The following KAT2B variants were observed in gnomAD, a reference collection of about 807,000 sequenced individuals.
The protein encoded by KAT2B is lysine acetyltransferase 2B, also known as histone acetyltransferase KAT2B.
A neutral mutation model predicts 105.9 loss-of-function variants in KAT2B; 36 were observed. The ratio of observed to expected loss-of-function variants is 0.34; its 90% CI spans 0.26 to 0.45. KAT2B has a LOEUF of 0.45. Ranked by LOEUF, KAT2B falls within the 20% of genes least tolerant of loss-of-function variation. The probability of loss-of-function intolerance (pLI) is 1.00; values close to 1 mark genes in which losing one functional copy is unlikely to be tolerated. For synonymous variants in KAT2B, 397 were observed against 377.9 expected, an observed-to-expected ratio of 1.05 and a Z score of -0.59; for missense variants, 820 against 1,021.6, an observed-to-expected ratio of 0.80 and a Z score of 2.69.
intron 2 of KAT2B, among the ~76,000 whole-genome samples, chr3:20,086,988 G>A (rs1049743203): frequency 6.6e-6 from 1 of 152,054 alleles, no homozygotes; most frequent in Non-Finnish European, 1.5e-5. Context: ...CACCATGTTG[G>A]CCAGGCTGCT....
chr3:20,071,593 C>T (rs538493268), intron 1 of KAT2B, among the ~76,000 whole-genome samples: 2 of 152,286 alleles, frequency 1.3e-5, no homozygotes, highest in East Asian at 3.9e-4. Flanking sequence ...GGTCAGATCA[C>T]TTAAAGAAGG....
intron 12 of KAT2B, among the ~76,000 whole-genome samples, chr3:20,138,652 A>C (rs559384199): frequency 3.9e-5 from 6 of 152,054 alleles, no homozygotes; most frequent in Middle Eastern, 3.4e-3. Context: ...AGTTTGATTT[A>C]TTTTTCCATG....
intron 2 of KAT2B, among the ~76,000 whole-genome samples, chr3:20,074,151 T>C (rs1698377550): frequency 6.6e-6 from 1 of 152,200 alleles, no homozygotes; most frequent in Non-Finnish European, 1.5e-5. Context: ...TTAATCTGTG[T>C]GTAAATTAAG....
chr3:20,115,765 A>G (rs1699196320), intron 7 of KAT2B, among the ~76,000 whole-genome samples: 2 of 152,162 alleles, frequency 1.3e-5, no homozygotes, highest in African/African-American at 2.4e-5. Flanking sequence ...GTACTTCTCT[A>G]TAGTGCATTC....
rs1354731019 is a variant in KAT2B, at chr3:20,040,552, G to A, written c.75G>A (p.Leu25=). The A allele has an allele frequency of 1.7e-5, 18 of 1,035,230 alleles. No individual in the cohort carries two copies. Among genetic ancestry groups the A allele is most frequent in the South Asian group, 4.4e-5 (1 of 22,708 alleles). The allele number at this position is 1,035,230 out of a possible 1,614,324, so 64.1% of individuals were successfully genotyped here. The change falls in exon 1 of 18, where the codon CTG becomes CTA. Residue 25 remains leucine, a synonymous_variant. Coordinates refer to ENST00000263754, the MANE Select transcript of KAT2B (RefSeq NM_003884.5). ...GAGAGAGPGA[L]PPQPAALPPA... is the part of the protein sequence containing the mutation. ...GGGCAGGGGCCGGGCCCGGGGCGCTGCCCCCGCAGCCTGCGGCGCTTCCGC... is the reference window on the plus strand; with the variant it reads ...GGGCAGGGGCCGGGCCCGGGGCGCTACCCCCGCAGCCTGCGGCGCTTCCGC...
chr3:20,059,436 G>C (rs1265694093), intron 1 of KAT2B, among the ~76,000 whole-genome samples: 3 of 112,230 alleles, frequency 2.7e-5, no homozygotes, highest in African/African-American at 7.1e-5. Flanking sequence ...AAAAAAAAAA[G>C]GCCAGGCGTG....
chr3:20,151,998 T>G (rs1699876822), intron 17 of KAT2B, among the ~76,000 whole-genome samples: 1 of 152,182 alleles, frequency 6.6e-6, no homozygotes, highest in Middle Eastern at 3.2e-3. Flanking sequence ...TGTATAATTC[T>G]GACTGAATAG....
chr3:20,126,326 T>C (rs1699403026), intron 10 of KAT2B, among the ~76,000 whole-genome samples: 1 of 152,166 alleles, frequency 6.6e-6, no homozygotes, highest in African/African-American at 2.4e-5. Context: ...ATGATGAAAC[T>C]TTATATTTTA....
chr3:20,064,368 C>G (rs1205596311), intron 1 of KAT2B, among the ~76,000 whole-genome samples: 4 of 152,182 alleles, frequency 2.6e-5, no homozygotes, highest in Non-Finnish European at 5.9e-5. Context: ...AAAATCCTCT[C>G]TTGTAGCTAT....
At chr3:20,114,638 T>C (rs1439574828) in intron 6 of KAT2B, among the ~76,000 whole-genome samples, 1 of 152,334 alleles carries the variant, frequency 6.6e-6, no homozygotes, top group East Asian at 1.9e-4. Flanking sequence ...GTAATTCATA[T>C]GTCTGTATCC....
intron 1 of KAT2B, among the ~76,000 whole-genome samples, chr3:20,044,281 G>A (rs2125161705): frequency 6.6e-6 from 1 of 151,952 alleles, no homozygotes; most frequent in South Asian, 2.1e-4. Flanking sequence ...AGGAATTTGA[G>A]GCCATCCTGG....
At chr3:20,061,762 TA>T (rs1162774233) in intron 1 of KAT2B, among the ~76,000 whole-genome samples, 1 of 143,792 alleles carries the variant, frequency 7.0e-6, no homozygotes, top group South Asian at 2.1e-4. Flanking sequence ...ATATTATACA[TA>T]AAAATATATA....
rs373833642 is a variant in KAT2B, at chr3:20,140,289, C to A, written c.1929C>A (p.Ala643=). ...GCTATATCAAGGATTATGAAGGAGC[C>A]ACTTTAATGGGATGTGAGCTAAATC... The part of the protein sequence containing the change: ...YVGYIKDYEG[A]TLMGCELNPR... Residue 643 remains alanine (A), a synonymous_variant, in exon 13 of 18, where the codon GCC becomes GCA. Transcript: ENST00000263754. 2 of 1,611,714 alleles carry A rather than the reference C, an allele frequency of 1.2e-6. No individual in the cohort carries two copies. Among genetic ancestry groups the A allele is most frequent in the African/African-American group, 2.7e-5 (2 of 74,848 alleles).
At chr3:20,057,447 C>T (rs1363459805) in intron 1 of KAT2B, among the ~76,000 whole-genome samples, 1 of 152,126 alleles carries the variant, frequency 6.6e-6, no homozygotes, top group African/African-American at 2.4e-5. Context: ...TTTGCTCATC[C>T]TGGTTGATTT....
intron 1 of KAT2B, among the ~76,000 whole-genome samples, chr3:20,070,206 A>G (rs778875846): frequency 6.6e-6 from 1 of 152,066 alleles, no homozygotes; most frequent in Non-Finnish European, 1.5e-5. Flanking sequence ...GGTATTCCAG[A>G]TTCACATGGC....
chr3:20,078,286 A>T (rs77170994), intron 2 of KAT2B, among the ~76,000 whole-genome samples: 17,407 of 152,184 alleles, frequency 0.11, 1,144 homozygotes, highest in East Asian at 0.24. Context: ...TTCTATTGTT[A>T]TTTTGGAGTC....
Position 20,114,999 on chromosome 3 carries a change from T to C in KAT2B, c.1150+11T>C. 6.4e-7 allele frequency: 1 copy of C among 1,558,408 alleles called. No individual in the cohort carries two copies. The highest frequency in any genetic ancestry group is 8.9e-7 in the Non-Finnish European group (1 of 1,129,884). On this transcript the variant is annotated intron_variant, in intron 7 of 17. Coordinates refer to ENST00000263754, the MANE Select transcript of KAT2B (RefSeq NM_003884.5). ...TAGGCATCCAAACAGGTAAGTTTCCTTTTACATGAATCAGAGAACAACCAG... is the reference window on the plus strand; with the variant it reads ...TAGGCATCCAAACAGGTAAGTTTCCCTTTACATGAATCAGAGAACAACCAG...
intron 1 of KAT2B, among the ~76,000 whole-genome samples, chr3:20,046,715 G>C (rs1697817768): frequency 6.6e-6 from 1 of 152,196 alleles, no homozygotes; most frequent in Admixed American, 6.5e-5. Context: ...TATAGTTGGA[G>C]AGCGCCCCCA....
At chr3:20,094,573 A>T (rs1698777027) in intron 2 of KAT2B, among the ~76,000 whole-genome samples, 1 of 152,190 alleles carries the variant, frequency 6.6e-6, no homozygotes, top group Non-Finnish European at 1.5e-5. Context: ...TCACAAAGGG[A>T]TGAGTGAGGA....
Sources: gnomAD v4.1 joint callset for allele counts (sites outside exome capture counted in the v4.1 genomes callset) on GRCh38, gnomAD v4.1.1 for gene constraint, MANE v1.5 for transcripts, NCBI Gene and HGNC (gene_info 2026-07-23, HGNC 2026-07-21) for gene names.